XXYLT1: variants seen among roughly 807,000 people sequenced by gnomAD.
XXYLT1 encodes xyloside xylosyltransferase 1.
Under a neutral mutation model 28.9 loss-of-function variants are expected in XXYLT1, and 20 were observed. The ratio of observed to expected loss-of-function variants is 0.69; its 90% CI spans 0.49 to 1.00. The LOEUF (loss-of-function observed/expected upper bound fraction) is 1.00. XXYLT1 is among the 50% of genes least tolerant of loss of function. The probability of loss-of-function intolerance (pLI) is 0.00; values close to 1 mark genes in which losing one functional copy is unlikely to be tolerated. For missense variants in XXYLT1, 542 were observed against 560.1 expected, an observed-to-expected ratio of 0.97 and a Z score of 0.33; for synonymous variants, 257 against 253.8, an observed-to-expected ratio of 1.01 and a Z score of -0.12.
At chr3:195,109,682 T>G (rs1047666075) in intron 3 of XXYLT1, among the ~76,000 whole-genome samples, 1 of 46,594 alleles carries the variant, frequency 2.1e-5, no homozygotes, top group Non-Finnish European at 4.7e-5. Context: ...GTGTGTTGTA[T>G]GAGTGTGTGT....
At chr3:195,073,452 A>G (rs1197508720) in intron 3 of XXYLT1, among the ~76,000 whole-genome samples, 2 of 152,148 alleles carry the variant, frequency 1.3e-5, no homozygotes, top group African/African-American at 2.4e-5. Context: ...TGAGTCCTGG[A>G]GCATCCAGAA....
intron 3 of XXYLT1, among the ~76,000 whole-genome samples, chr3:195,108,916 C>G (rs1191351869): frequency 6.6e-6 from 1 of 152,190 alleles, no homozygotes; most frequent in Non-Finnish European, 1.5e-5. Context: ...TCACGTCCCA[C>G]ACAGTGGCTA....
In XXYLT1 at chr3:195,078,334, T is replaced by C. The variant is rs1032918676; in HGVS notation, c.786-8223A>G. On this transcript the variant is annotated intron_variant, in intron 3 of 3. Transcript: ENST00000310380. This position sits in a 1 kb window ranked among gnomAD's most constrained non-coding sequence, Gnocchi z 5.0. ...AGGGCGTTGGAGGACCCCGGCCACC[T>C]GTCCCTCACACTGACAGCCGAGAGG... 4.6e-5 allele frequency among the ~76,000 whole-genome samples: 7 copies of C among 152,080 alleles called. No individual in the cohort carries two copies. The highest frequency in any genetic ancestry group is 1.7e-4 in the African/African-American group (7 of 41,404).
intron 3 of XXYLT1, among the ~76,000 whole-genome samples, chr3:195,121,264 G>C (rs1718345805): frequency 6.6e-6 from 1 of 152,198 alleles, no homozygotes. Flanking sequence ...AGGCCTTCCA[G>C]GTAGAAATTC....
chr3:195,112,473 CAT>C (rs1301792719), intron 3 of XXYLT1, among the ~76,000 whole-genome samples: 2 of 148,342 alleles, frequency 1.3e-5, no homozygotes, highest in African/African-American at 4.9e-5. Flanking sequence ...CACCCACACA[CAT>C]GCACACACGC....
At chr3:195,169,870 T>TATA (rs1491255221) in intron 2 of XXYLT1, among the ~76,000 whole-genome samples, 1 of 87,854 alleles carries the variant, frequency 1.1e-5, no homozygotes, top group Non-Finnish European at 2.1e-5. Context: ...TATATATATA[T>TATA]TTTTTTTTTT....
intron 2 of XXYLT1, among the ~76,000 whole-genome samples, chr3:195,191,586 T>C (rs1722421556): frequency 6.6e-6 from 1 of 152,246 alleles, no homozygotes; most frequent in Admixed American, 6.5e-5. Context: ...CCAATCCCCA[T>C]GTTGTTCAAG....
chr3:195,156,359 C>T, intron 3 of XXYLT1, 90 bp downstream of exon 3: 2 of 1,552,972 alleles, frequency 1.3e-6, no homozygotes, highest in Non-Finnish European at 1.7e-6. Context: ...TCGGACGCCA[C>T]TAAATCCCAA....
intron 2 of XXYLT1, among the ~76,000 whole-genome samples, chr3:195,158,350 T>G (rs1720709514): frequency 6.6e-6 from 1 of 152,160 alleles, no homozygotes; most frequent in Non-Finnish European, 1.5e-5. Flanking sequence ...TCCTTGAGAA[T>G]GGGAATATGC....
Position 195,122,835 on chromosome 3 carries a change from A to G in XXYLT1, c.785+33614T>C, listed in dbSNP as rs142524824. On this transcript the variant is annotated intron_variant, in intron 3 of 3. Transcript: ENST00000310380. The stretch of plus-strand genomic sequence containing the variant: ...GAAGAGCATCTGCTATCTCCACATC[A>G]CTGTGCCTGGGGCTGTTTGCAGCCC... Among the ~76,000 whole-genome samples the G allele has an allele frequency of 6.7e-3, 1,024 of 152,190 alleles. 12 individuals are homozygous for G. Among genetic ancestry groups the G allele is most frequent in the African/African-American group, 0.023 (949 of 41,512 alleles).
At chr3:195,116,357 G>C (rs925665852) in intron 3 of XXYLT1, among the ~76,000 whole-genome samples, 3 of 152,016 alleles carry the variant, frequency 2.0e-5, no homozygotes, top group African/African-American at 7.3e-5. Context: ...TGAATTATCT[G>C]GGGATCTCGT....
At chr3:195,143,855 GATATATATAGATATAGATATATATAT>G (rs1719670404) in intron 3 of XXYLT1, among the ~76,000 whole-genome samples, 8 of 75,534 alleles carry the variant, frequency 1.1e-4, no homozygotes, top group Non-Finnish European at 2.1e-4. Flanking sequence ...TATATATATA[GATATATATAGATATAGATATATATAT>G]ATATATATTT....
chr3:195,211,844 A>G (rs1240582854), intron 2 of XXYLT1, among the ~76,000 whole-genome samples: 2 of 146,952 alleles, frequency 1.4e-5, no homozygotes, highest in Admixed American at 6.7e-5. Context: ...GGAGGAGGAG[A>G]GGGGGCAAGC....
At chr3:195,109,006 C>T (rs528072827) in intron 3 of XXYLT1, among the ~76,000 whole-genome samples, 6 of 152,132 alleles carry the variant, frequency 3.9e-5, no homozygotes, top group African/African-American at 1.2e-4. Context: ...TTAGTTCTCA[C>T]GAAAACCCCA....
intron 1 of XXYLT1, among the ~76,000 whole-genome samples, chr3:195,228,914 G>A (rs572616009): frequency 3.3e-5 from 5 of 151,812 alleles, no homozygotes; most frequent in African/African-American, 1.2e-4. Flanking sequence ...CCAGGTTCAA[G>A]TGATTCTCCT....
chr3:195,149,207 A>G (rs1720044362), intron 3 of XXYLT1, among the ~76,000 whole-genome samples: 1 of 152,222 alleles, frequency 6.6e-6, no homozygotes, highest in South Asian at 2.1e-4. Context: ...GTTTATTTAC[A>G]TATACACACA....
intron 2 of XXYLT1, among the ~76,000 whole-genome samples, chr3:195,214,117 G>A (rs560830595): frequency 8.5e-5 from 13 of 152,244 alleles, no homozygotes; most frequent in East Asian, 1.9e-4. Flanking sequence ...CTCCAGCCCC[G>A]TTTGCCTGAG....
chr3:195,121,141 G>C (rs771887295), intron 3 of XXYLT1, among the ~76,000 whole-genome samples: 4 of 152,186 alleles, frequency 2.6e-5, no homozygotes, highest in Non-Finnish European at 4.4e-5. Flanking sequence ...TGGAAATGCT[G>C]CATCTACCAA....
chr3:195,206,551 T>A (rs1187245178), intron 2 of XXYLT1, among the ~76,000 whole-genome samples: 2 of 151,862 alleles, frequency 1.3e-5, no homozygotes, highest in African/African-American at 4.8e-5. Context: ...GGAGGATCAC[T>A]TGAGGTCAGG....
Sources: allele counts gnomAD v4.1 joint callset (sites outside exome capture counted in the v4.1 genomes callset), GRCh38; gene constraint gnomAD v4.1.1; non-coding constraint Gnocchi (gnomAD v3.1); transcripts MANE v1.5; gene names NCBI Gene and HGNC (gene_info 2026-07-23, HGNC 2026-07-21).